Variants in PCM1 observed in about 807,000 individuals in gnomAD.
The protein encoded by PCM1 is pericentriolar material 1, also known as pericentriolar material 1 protein.
PCM1 carries 157 observed loss-of-function variants against 241.9 expected under a neutral mutation model. The observed-to-expected ratio is 0.65, with a 90% CI of 0.57 to 0.74. The LOEUF (loss-of-function observed/expected upper bound fraction) is 0.74. Among genes scored for constraint, PCM1 ranks in the 30% least tolerant of loss-of-function variants. PCM1 has a pLI of 0.00. For missense variants in PCM1, 3,478 were observed against 2,360.1 expected (o/e 1.47, Z -9.81); for synonymous variants, 1,085 against 784.9 (o/e 1.38, Z -6.39).
rs1227884622 is a variant in PCM1 at position 17,989,949 on chromosome 8, A to G, written c.4501A>G (p.Asn1501Asp). ...TGCTAGTGTCCTGTCTGTATCATCA[A>G]ATTTTGAGCCTTTTGCAACAGATGA... ...DNASVLSVSS[N>D]FEPFATDDLG... Residue 1501 changes from asparagine (N) to aspartate (D), a missense_variant, in exon 27 of 39, where the codon AAT (asparagine) becomes GAT (aspartate). Physicochemically the swap from Asn to Asp is conservative, Grantham distance 23 (BLOSUM62 1). Transcript: ENST00000325083. The G allele has an allele frequency of 2.0e-6, 3 of 1,537,866 alleles. No homozygotes were observed. The highest frequency in any genetic ancestry group is 2.5e-5 in the East Asian group (1 of 40,576).
chr8:18,006,821 T>A (rs951862894), intron 30 of PCM1, among the ~76,000 whole-genome samples: 1 of 152,232 alleles, frequency 6.6e-6, no homozygotes, highest in African/African-American at 2.4e-5. Flanking sequence ...GCTTAAATTA[T>A]AGTAAGTCAG....
At chr8:17,939,180 G>T (rs1004454436) in intron 5 of PCM1, among the ~76,000 whole-genome samples, 171 bp downstream of exon 5, 1 of 152,062 alleles carries the variant, frequency 6.6e-6, no homozygotes, top group African/African-American at 2.4e-5. Context: ...GTAAATTTCT[G>T]TTTATCCAAA....
chr8:18,004,049 T>TA (rs372480778), intron 29 of PCM1, among the ~76,000 whole-genome samples: 13,092 of 150,824 alleles, frequency 0.087, 1,252 homozygotes, highest in African/African-American at 0.24. Context: ...TTATAAGGGT[T>TA]AAAAAAAAAG....
intron 7 of PCM1, 88 bp downstream of exon 7, chr8:17,947,451 G>A (rs2064256420): frequency 8.6e-6 from 8 of 931,886 alleles, no homozygotes; most frequent in Non-Finnish European, 1.3e-5. Context: ...TACATAATCA[G>A]ATCTTGATTG....
chr8:18,015,284 T>A (rs1449486423), intron 36 of PCM1, among the ~76,000 whole-genome samples: 1 of 150,518 alleles, frequency 6.6e-6, no homozygotes, highest in Non-Finnish European at 1.5e-5. Context: ...TCTGTACTCA[T>A]GATAGTACTT....
intron 31 of PCM1, among the ~76,000 whole-genome samples, chr8:18,010,295 C>G (rs1193337841): frequency 6.6e-6 from 1 of 152,162 alleles, no homozygotes; most frequent in East Asian, 1.9e-4. Flanking sequence ...TTTCCTGACC[C>G]TCTTTTATGA....
intron 6 of PCM1, 84 bp from the exon 7 acceptor site, chr8:17,947,102 A>ATG (rs1224100144): frequency 1.3e-6 from 1 of 741,490 alleles, no homozygotes; most frequent in African/African-American, 1.8e-5. Context: ...TTTGTTATCA[A>ATG]TGTGTATACT....
intron 13 of PCM1, among the ~76,000 whole-genome samples, chr8:17,958,098 T>C (rs1231334001): frequency 1.3e-5 from 2 of 152,230 alleles, no homozygotes; most frequent in Non-Finnish European, 2.9e-5. Context: ...ACAATATAGC[T>C]GTTTTTATTT....
intron 17 of PCM1, 89 bp downstream of exon 17, chr8:17,963,380 C>A: frequency 1.1e-6 from 1 of 885,552 alleles, no homozygotes; most frequent in South Asian, 1.8e-5. Context: ...TCCTCTACAT[C>A]ACAGCACAAA....
chr8:17,977,159 T>C (rs1056002416), intron 23 of PCM1, among the ~76,000 whole-genome samples: 2 of 152,244 alleles, frequency 1.3e-5, no homozygotes, highest in African/African-American at 4.8e-5. Context: ...TTGTATGTTA[T>C]TAAATGAGCA....
Position 17,928,619 on chromosome 8 carries a change from T to A in PCM1, c.-23+3839T>A, listed in dbSNP as rs566686. Among the ~76,000 whole-genome samples the A allele has an allele frequency of 7.5e-3, 129 of 17,272 alleles. 2 individuals are homozygous for A. The highest frequency in any genetic ancestry group is 0.019 in the African/African-American group (42 of 2,256). The allele number at this position is 17,272 out of a possible 152,430, so 11.3% of individuals were successfully genotyped here. ...TCTGCATTTTTAGTATCTCCCTCTT[T>A]TTTTTTTTTTTTTTTTTTTTTTTTT... On this transcript the variant is annotated intron_variant, in intron 2 of 38. Transcript: ENST00000325083.
At chr8:17,961,882 C>A (rs939313905) in intron 15 of PCM1, among the ~76,000 whole-genome samples, 152 bp from the exon 16 acceptor site, 5 of 152,070 alleles carry the variant, frequency 3.3e-5, no homozygotes, top group African/African-American at 1.2e-4. Context: ...TTTCTTATTT[C>A]ATGTTATCTT....
chr8:17,994,261 A>C (rs117257210), intron 29 of PCM1, among the ~76,000 whole-genome samples: 2,590 of 152,272 alleles, frequency 0.017, 41 homozygotes, highest in South Asian at 0.044. Context: ...TTTAGCTCCC[A>C]CAAGTAAGTG....
chr8:17,948,490 A>G (rs1412483660), intron 7 of PCM1, among the ~76,000 whole-genome samples: 2 of 151,436 alleles, frequency 1.3e-5, no homozygotes, highest in Non-Finnish European at 2.9e-5. Flanking sequence ...TTTTTAGTAG[A>G]GTCGGGGTTT....
At chr8:17,932,340 G>C (rs1427875084) in intron 2 of PCM1, among the ~76,000 whole-genome samples, 1 of 152,036 alleles carries the variant, frequency 6.6e-6, no homozygotes, top group Non-Finnish European at 1.5e-5. Context: ...TTTAGTTCTT[G>C]ATACAGTATT....
intron 4 of PCM1, 116 bp from the exon 5 acceptor site, chr8:17,938,624 C>G: frequency 1.4e-6 from 1 of 691,584 alleles, no homozygotes; most frequent in Non-Finnish European, 2.5e-6. Flanking sequence ...GTGCAAAGCT[C>G]TTTGTGTGCA....
At chr8:17,961,392 G>GCT (rs2071957471) in intron 15 of PCM1, among the ~76,000 whole-genome samples, 1 of 130,888 alleles carries the variant, frequency 7.6e-6, no homozygotes, top group Admixed American at 9.0e-5. Context: ...CTCACTGCAA[G>GCT]CTCCACCTCC....
chr8:18,008,406 T>C (rs1046680555), intron 30 of PCM1, among the ~76,000 whole-genome samples: 22 of 151,942 alleles, frequency 1.4e-4, no homozygotes, highest in African/African-American at 5.1e-4. Flanking sequence ...TGATTCTACA[T>C]TATGGTGAGT....
At chr8:17,992,098 A>G (rs1258689854) in intron 28 of PCM1, among the ~76,000 whole-genome samples, 2 of 152,184 alleles carry the variant, frequency 1.3e-5, no homozygotes, top group East Asian at 1.9e-4. Context: ...ATATCTGTCT[A>G]TCTACACATA....
Sources: gnomAD v4.1 joint callset for allele counts (sites outside exome capture counted in the v4.1 genomes callset) on GRCh38, gnomAD v4.1.1 for gene constraint, MANE v1.5 for transcripts, NCBI Gene and HGNC (gene_info 2026-07-23, HGNC 2026-07-21) for gene names.